Variants in DIP2B observed in about 807,000 individuals in gnomAD.
DIP2B encodes the protein disco-interacting protein 2 homolog B.
A neutral mutation model predicts 198.0 loss-of-function variants in DIP2B; 76 were observed. That is an observed-to-expected ratio of 0.38 (90% CI 0.32 to 0.46). The LOEUF is 0.46. Among genes scored for constraint, DIP2B ranks in the 20% least tolerant of loss-of-function variants. The pLI is 0.99. For synonymous variants in DIP2B, 701 were observed against 739.1 expected (o/e 0.95, Z 0.84); for missense variants, 1,559 against 1,978.4 (o/e 0.79, Z 4.02).
chr12:50,624,704 C>T (rs1937898113), intron 1 of DIP2B, among the ~76,000 whole-genome samples: 1 of 152,206 alleles, frequency 6.6e-6, no homozygotes, highest in Admixed American at 6.5e-5. Context: ...CCTTCTACCA[C>T]TGTCTTTAAT....
At chr12:50,577,799 T>TA (rs945996155) in intron 1 of DIP2B, among the ~76,000 whole-genome samples, 36 of 147,214 alleles carry the variant, frequency 2.4e-4, no homozygotes, top group East Asian at 2.0e-3. Flanking sequence ...AAAGTAAAAT[T>TA]AAAAAAAAAA....
chr12:50,744,386 A>G (rs1592152154), intron 37 of DIP2B, among the ~76,000 whole-genome samples: 1 of 152,070 alleles, frequency 6.6e-6, no homozygotes, highest in African/African-American at 2.4e-5. Context: ...TCTCTCATAT[A>G]TATATATATT....
In DIP2B at chr12:50,505,219, C is replaced by G. The variant is rs1957955713; in HGVS notation, c.79C>G (p.Leu27Val). 6.6e-7 allele frequency: 1 copy of G among 1,519,186 alleles called. No homozygotes were observed. The highest frequency in any genetic ancestry group is 8.8e-7 in the Non-Finnish European group (1 of 1,139,400). The allele number at this position is 1,519,186 out of a possible 1,614,324, so 94.1% of individuals were successfully genotyped here. ...PPEVRAQLAE[L>V]ELELSEGDIT... ...TGAAGTGCGGGCGCAGCTGGCGGAG[C>G]TGGAGCTGGAGCTCTCGGAGGGTAG... Residue 27 changes from leucine to valine, a missense_variant, in exon 1 of 38, where the codon CTG becomes GTG. By Grantham distance (32) the Leu-to-Val change is conservative. Coordinates refer to ENST00000301180, the MANE Select transcript of DIP2B (RefSeq NM_173602.3).
chr12:50,569,641 G>C (rs1459087648), intron 1 of DIP2B, among the ~76,000 whole-genome samples: 2 of 152,152 alleles, frequency 1.3e-5, no homozygotes, highest in Non-Finnish European at 2.9e-5. Context: ...ATGGCCACCA[G>C]ACTGTTTTCT....
intron 10 of DIP2B, among the ~76,000 whole-genome samples, chr12:50,684,629 T>C (rs1425097377): frequency 6.6e-6 from 1 of 151,678 alleles, no homozygotes; most frequent in African/African-American, 2.4e-5. Context: ...CCATCTCTAC[T>C]AAAAATACAG....
At chr12:50,702,018 C>T (rs1334815820) in intron 19 of DIP2B, among the ~76,000 whole-genome samples, 1 of 152,028 alleles carries the variant, frequency 6.6e-6, no homozygotes. Flanking sequence ...GATCCTCGCA[C>T]TTTGAGAGGC....
intron 1 of DIP2B, among the ~76,000 whole-genome samples, chr12:50,532,839 T>G (rs895082112): frequency 2.6e-5 from 4 of 152,146 alleles, no homozygotes; most frequent in Non-Finnish European, 5.9e-5. Flanking sequence ...GAAAGGGCAG[T>G]GTATAAGTCT....
chr12:50,706,242 G>C (rs17124921), intron 20 of DIP2B, among the ~76,000 whole-genome samples: 7,883 of 152,168 alleles, frequency 0.052, 275 homozygotes, highest in Middle Eastern at 0.12. Flanking sequence ...GGGAAAATCA[G>C]CTATGCTTGG....
intron 4 of DIP2B, among the ~76,000 whole-genome samples, chr12:50,665,226 A>G (rs1592117364): frequency 6.6e-6 from 1 of 152,192 alleles, no homozygotes; most frequent in East Asian, 1.9e-4. Context: ...TCATGGAATT[A>G]TAGTACATTA....
chr12:50,658,868 G>A (rs1002982600), intron 3 of DIP2B, among the ~76,000 whole-genome samples: 4 of 152,094 alleles, frequency 2.6e-5, no homozygotes, highest in East Asian at 1.9e-4. Flanking sequence ...GCGGGCAGAT[G>A]ACAAGGTCAG....
chr12:50,652,102 A>G (rs955509555), intron 3 of DIP2B, among the ~76,000 whole-genome samples: 2 of 151,946 alleles, frequency 1.3e-5, no homozygotes, highest in Non-Finnish European at 2.9e-5. Context: ...TCACGAAGTC[A>G]GGAATTTGAG....
chr12:50,632,528 TTTTTTATTATTA>T (rs1245060648), intron 2 of DIP2B, among the ~76,000 whole-genome samples: 3 of 149,460 alleles, frequency 2.0e-5, no homozygotes, highest in Admixed American at 6.7e-5. Context: ...TTTTTATTTA[TTTTTTATTATTA>T]TTTTTATTAT....
rs1016290231 is a variant in DIP2B, at chr12:50,505,164, G to A, written c.24G>A (p.Pro8=). MAERGLE[P]SPAAVAALPP... ...GGATGGCGGAACGAGGCCTGGAGCCGTCGCCGGCCGCGGTGGCGGCGCTGC... is the reference window on the plus strand; with the variant it reads ...GGATGGCGGAACGAGGCCTGGAGCCATCGCCGGCCGCGGTGGCGGCGCTGC... Residue 8 remains proline (P), a synonymous_variant, in exon 1 of 38, where the codon CCG becomes CCA. Transcript: ENST00000301180. The A allele has an allele frequency of 6.5e-7, 1 of 1,526,906 alleles. No homozygotes were observed. Among genetic ancestry groups the A allele is most frequent in the South Asian group, 1.2e-5 (1 of 83,574 alleles). The allele number at this position is 1,526,906 out of a possible 1,614,324, so 94.6% of individuals were successfully genotyped here.
intron 1 of DIP2B, among the ~76,000 whole-genome samples, chr12:50,566,462 T>C (rs1268541206): frequency 6.6e-6 from 1 of 152,224 alleles, no homozygotes; most frequent in African/African-American, 2.4e-5. Context: ...GTGTCTTTTT[T>C]TGTTTGAGAT....
chr12:50,716,836 C>T (rs969087683), intron 23 of DIP2B, among the ~76,000 whole-genome samples: 6 of 151,914 alleles, frequency 3.9e-5, no homozygotes, highest in Non-Finnish European at 7.4e-5. Context: ...CAACCTAGCA[C>T]TTTTTTCTAG....
intron 25 of DIP2B, 30 bp downstream of exon 25, chr12:50,719,065 A>C (rs746697647): frequency 6.2e-7 from 1 of 1,607,722 alleles, no homozygotes; most frequent in Non-Finnish European, 8.5e-7. Context: ...ATATCTAATC[A>C]GCTGACTACT....
intron 1 of DIP2B, among the ~76,000 whole-genome samples, chr12:50,583,609 G>T (rs888380016): frequency 6.6e-6 from 1 of 152,120 alleles, no homozygotes; most frequent in Admixed American, 6.6e-5. Context: ...GTGGGGTAAC[G>T]TACTGATAAA....
intron 3 of DIP2B, among the ~76,000 whole-genome samples, chr12:50,643,925 G>T (rs951318321): frequency 2.6e-5 from 4 of 151,992 alleles, no homozygotes; most frequent in African/African-American, 9.7e-5. Context: ...AAGAATTTAG[G>T]GTATATTTAA....
At position 50,559,412 on chromosome 12, in the gene DIP2B, C is replaced by G. The variant is rs183500454; in HGVS notation, c.100+54172C>G. On this transcript the variant is annotated intron_variant, in intron 1 of 37. Transcript: ENST00000301180. Reference sequence around the variant, plus strand: ...CTTTGGTATTATACCAATTTTATCTCAACAGTTTGACTAACCAACAATTGG... The same window carrying G: ...CTTTGGTATTATACCAATTTTATCTGAACAGTTTGACTAACCAACAATTGG... Among the ~76,000 whole-genome samples, 4 of 147,200 alleles carry G rather than the reference C, an allele frequency of 2.7e-5. No individual in the cohort carries two copies. The East Asian group carries it at 6.2e-4, about 23-fold the overall frequency.
Sources: allele counts gnomAD v4.1 joint callset (sites outside exome capture counted in the v4.1 genomes callset), GRCh38; gene constraint gnomAD v4.1.1; transcripts MANE v1.5; gene names NCBI Gene and HGNC (gene_info 2026-07-23, HGNC 2026-07-21).